Variants in CDH23 observed in about 807,000 individuals in gnomAD.
CDH23 encodes the protein cadherin-23.
A neutral mutation model predicts 317.1 loss-of-function variants in CDH23; 189 were observed. That is an observed-to-expected ratio of 0.60 (90% confidence interval 0.53 to 0.67). The LOEUF (loss-of-function observed/expected upper bound fraction) is 0.67, where lower values mean the gene tolerates loss of function less well. Among genes scored for constraint, CDH23 ranks in the 30% least tolerant of loss-of-function variants. CDH23 has a pLI of 0.00. For synonymous variants in CDH23, 1,839 were observed against 1,876.8 expected (o/e 0.98, Z 0.52); for missense variants, 4,401 against 4,592.4 (o/e 0.96, Z 1.20).
chr10:71,774,449 T>C (rs1840769940), intron 38 of CDH23, among the ~76,000 whole-genome samples: 1 of 152,152 alleles, frequency 6.6e-6, no homozygotes, highest in African/African-American at 2.4e-5. Flanking sequence ...ATCCTTACTG[T>C]CCACACCCCC....
At chr10:71,786,553 G>A (rs1841112744) in intron 44 of CDH23, among the ~76,000 whole-genome samples, 1 of 144,992 alleles carries the variant, frequency 6.9e-6, no homozygotes, top group Non-Finnish European at 1.5e-5. Flanking sequence ...GTGCAGTGGT[G>A]CAATCGTGAT....
At position 71,815,013 on chromosome 10, in the gene CDH23, G is replaced by A. The variant is rs772432878; in HGVS notation, c.9800G>A (p.Arg3267His). ...GDHSPGQGSL[R>H]FRHKPPVELK... The stretch of plus-strand genomic sequence containing the variant: ...CACAGCCCAGGGCAGGGTAGCCTGC[G>A]CTTCCGCCACAAGCCACCAGTGGAG... Residue 3267 changes from arginine to histidine, a missense_variant, in exon 70 of 70, where the codon CGC becomes CAC. Physicochemically the swap from Arg to His is conservative, Grantham distance 29 (BLOSUM62 0). This residue lies in a region of CDH23 where 1,144 missense variants were observed against 1,138.2 expected (regional missense o/e 1.01). Coordinates refer to ENST00000224721, the MANE Select transcript of CDH23 (RefSeq NM_022124.6). 7.4e-6 allele frequency: 12 copies of A among 1,612,100 alleles called. No individual in the cohort carries two copies. Among genetic ancestry groups the A allele is most frequent in the Non-Finnish European group, 1.0e-5 (12 of 1,179,688 alleles).
At chr10:71,511,060 C>T (rs1452982505) in intron 5 of CDH23, 59 bp downstream of exon 5, 5 of 1,612,032 alleles carry the variant, frequency 3.1e-6, no homozygotes, top group Non-Finnish European at 4.2e-6. Flanking sequence ...TTCTGGACCC[C>T]TAGGGTGGAA....
chr10:71,434,203 T>C (rs1849520562), intron 1 of CDH23, among the ~76,000 whole-genome samples: 1 of 152,204 alleles, frequency 6.6e-6, no homozygotes, highest in African/African-American at 2.4e-5. Flanking sequence ...GAGTGCATGC[T>C]CATATGTCAC....
intron 3 of CDH23, among the ~76,000 whole-genome samples, chr10:71,481,461 G>T (rs1464438082): frequency 6.6e-6 from 1 of 152,170 alleles, no homozygotes; most frequent in African/African-American, 2.4e-5. Flanking sequence ...AAAGAGAACA[G>T]GGTTTGAGGC....
At chr10:71,532,740 T>G (rs1855472243) in intron 6 of CDH23, among the ~76,000 whole-genome samples, 1 of 121,170 alleles carries the variant, frequency 8.3e-6, no homozygotes, top group East Asian at 3.0e-4. Flanking sequence ...TTTTTTTTTT[T>G]TTTTTTTGAG....
intron 38 of CDH23, among the ~76,000 whole-genome samples, chr10:71,760,181 G>A (rs978207972): frequency 2.4e-4 from 9 of 37,258 alleles, no homozygotes; most frequent in African/African-American, 1.0e-3. Flanking sequence ...ATATATGTGT[G>A]TATATATATG....
chr10:71,796,148 GA>G, intron 48 of CDH23: 1 of 954,294 alleles, frequency 1.0e-6, no homozygotes, highest in Non-Finnish European at 1.2e-6. Flanking sequence ...TGCCAAGGGG[GA>G]AGGGAATCTC....
intron 9 of CDH23, among the ~76,000 whole-genome samples, chr10:71,595,433 C>T (rs922400759): frequency 4.6e-5 from 7 of 152,180 alleles, no homozygotes; most frequent in South Asian, 2.1e-4. Context: ...GCAGGTTTGT[C>T]GCCCCCATTC....
chr10:71,577,541 A>T (rs914416507), intron 8 of CDH23, among the ~76,000 whole-genome samples: 16 of 152,042 alleles, frequency 1.1e-4, no homozygotes, highest in Admixed American at 9.8e-4. Context: ...GAGGCCAGAG[A>T]GGTGCAGCAA....
At chr10:71,410,943 ATG>A (rs1165888693) in intron 1 of CDH23, among the ~76,000 whole-genome samples, 4 of 152,202 alleles carry the variant, frequency 2.6e-5, no homozygotes, top group African/African-American at 9.6e-5. Context: ...GAACATTTGT[ATG>A]TGTGTCCTTT....
At chr10:71,743,936 A>T (rs910707991) in intron 38 of CDH23, among the ~76,000 whole-genome samples, 8 of 152,232 alleles carry the variant, frequency 5.3e-5, no homozygotes, top group African/African-American at 1.9e-4. Flanking sequence ...GCATCAAGTC[A>T]GCATCCAAGG....
At position 71,729,314 on chromosome 10, in the gene CDH23, A is replaced by T. The variant is rs562624128; in HGVS notation, c.3580-1155A>T. Among the ~76,000 whole-genome samples the T allele has an allele frequency of 2.6e-5, 4 of 152,342 alleles. No individual in the cohort carries two copies. In the South Asian group the frequency reaches 8.3e-4, roughly 32 times the overall value. ...CTGAGACAAGGATTGGTGTGAAAGT[A>T]ATGTGTAAGAAGCGCCCACAGGAAA... On this transcript the variant is annotated intron_variant, in intron 30 of 69. Coordinates refer to ENST00000224721, the MANE Select transcript of CDH23 (RefSeq NM_022124.6).
rs766404226 is a variant in CDH23 at position 71,784,999 on chromosome 10, G to A, written c.5611G>A (p.Ala1871Thr). ...SENSPVSSFVAHVLASDADSG... is the reference protein window; with the variant it reads ...SENSPVSSFVTHVLASDADSG... ...GAACAGCCCTGTCTCCAGCTTTGTC[G>A]CCCATGTCCTGGCCAGTGACGCTGA... The change falls in exon 43 of 70, where the codon GCC becomes ACC. Residue 1871 changes from alanine (A) to threonine (T), a missense_variant. Ala to Thr is a moderately conservative substitution (Grantham distance 58). Coordinates refer to ENST00000224721, the MANE Select transcript of CDH23 (RefSeq NM_022124.6). 1.9e-5 allele frequency: 31 copies of A among 1,614,016 alleles called. No homozygotes were observed. Among genetic ancestry groups the A allele is most frequent in the African/African-American group, 1.9e-4 (14 of 75,064 alleles).
At chr10:71,803,552 CTTT>C (rs540575666) in intron 55 of CDH23, 132 bp downstream of exon 55, 1 of 783,918 alleles carries the variant, frequency 1.3e-6, no homozygotes, top group Non-Finnish European at 2.0e-6. Flanking sequence ...AAAAAAAAAA[CTTT>C]TTTAATTAAA....
chr10:71,810,638 A>G, intron 62 of CDH23, 69 bp downstream of exon 62: 1 of 1,417,090 alleles, frequency 7.1e-7, no homozygotes. Flanking sequence ...GGAGTAGGGG[A>G]GGGGACACAC....
At chr10:71,561,276 G>A (rs974953361) in intron 6 of CDH23, among the ~76,000 whole-genome samples, 4 of 151,352 alleles carry the variant, frequency 2.6e-5, no homozygotes, top group African/African-American at 9.7e-5. Context: ...ATTTTCCTCT[G>A]TGTTCCTGTG....
intron 3 of CDH23, among the ~76,000 whole-genome samples, chr10:71,477,092 A>G (rs1372025052): frequency 6.6e-6 from 1 of 152,170 alleles, no homozygotes; most frequent in Non-Finnish European, 1.5e-5. Context: ...CAGGGTAGAG[A>G]AACCAGGGAC....
intron 6 of CDH23, among the ~76,000 whole-genome samples, chr10:71,543,266 C>T (rs916767548): frequency 1.3e-5 from 2 of 152,214 alleles, no homozygotes; most frequent in African/African-American, 4.8e-5. Context: ...TGGTCCAGAA[C>T]TTGTCACCCT....
Sources: allele counts gnomAD v4.1 joint callset (sites outside exome capture counted in the v4.1 genomes callset), GRCh38; gene constraint gnomAD v4.1.1; regional missense constraint gnomAD v4.1.1; transcripts MANE v1.5; gene names NCBI Gene and HGNC (gene_info 2026-07-23, HGNC 2026-07-21).